The following BCLAF1 variants were observed in gnomAD, a reference collection of about 807,000 sequenced individuals.
BCLAF1 encodes the protein BCL2 associated transcription factor 1.
BCLAF1 carries 10 observed loss-of-function variants against 99.5 expected under a neutral mutation model. That is an observed-to-expected ratio of 0.10 (90% confidence interval 0.06 to 0.17). The LOEUF (loss-of-function observed/expected upper bound fraction) is 0.17. Among genes scored for constraint, BCLAF1 ranks in the 10% least tolerant of loss-of-function variants. The pLI, the probability that BCLAF1 is intolerant of heterozygous loss-of-function variation, is 1.00. For synonymous variants in BCLAF1, 255 were observed against 370.9 expected, an observed-to-expected ratio of 0.69 and a Z score of 3.59; for missense variants, 636 against 1,105.8, an observed-to-expected ratio of 0.58 and a Z score of 6.02.
At chr6:136,262,861 A>G (rs1319414425) in intron 11 of BCLAF1, among the ~76,000 whole-genome samples, 1 of 152,054 alleles carries the variant, frequency 6.6e-6, no homozygotes, top group African/African-American at 2.4e-5. Context: ...TTCTGGGAAG[A>G]GGTTTTGGAG....
intron 8 of BCLAF1, 42 bp from the exon 9 acceptor site, chr6:136,269,654 T>A (rs76334377): frequency 6.9e-7 from 1 of 1,458,552 alleles, no homozygotes; most frequent in Non-Finnish European, 9.2e-7. Flanking sequence ...AGGGGAGAAA[T>A]AGAAAAAATA....
intron 6 of BCLAF1, 119 bp downstream of exon 6, chr6:136,275,413 A>G: frequency 9.1e-6 from 9 of 985,536 alleles, no homozygotes; most frequent in Non-Finnish European, 1.3e-5. Flanking sequence ...CCAAGTTTTA[A>G]TAATATTGGA....
chr6:136,274,291 AC>A, intron 6 of BCLAF1: 1 of 299,144 alleles, frequency 3.3e-6, no homozygotes, highest in Non-Finnish European at 5.0e-6. Context: ...AAACATTACT[AC>A]AGTTCTTTTA....
At position 136,260,506 on chromosome 6, in the gene BCLAF1, A is replaced by ATT. The variant is rs777163723; in HGVS notation, c.*603_*604insAA. On this transcript the variant is annotated 3_prime_UTR_variant, in exon 13 of 13. Transcript: ENST00000531224. ...TCAAAACTTTTCAATCTGATTTTTA[A>ATT]TAGCTTGTACTTTTTAGCTATTGGC... The ATT allele has an allele frequency of 0.018, 2,721 of 152,504 alleles. 34 individuals are homozygous for ATT. The highest frequency in any genetic ancestry group is 0.029 in the Non-Finnish European group (1,947 of 67,908). The allele number at this position is 152,504 out of a possible 1,614,324, so 9.4% of individuals were successfully genotyped here. A position where few individuals can be genotyped will look rare whatever the true frequency, so the allele number is the denominator to read the frequency against.
chr6:136,282,297 A>T (rs1784474899), intron 2 of BCLAF1, among the ~76,000 whole-genome samples: 2 of 152,138 alleles, frequency 1.3e-5, no homozygotes, highest in South Asian at 4.1e-4. Flanking sequence ...ACATTAGGGA[A>T]ATGGGTTAAG....
Position 136,275,529 on chromosome 6 carries a change from T to C in BCLAF1, c.1852+3A>G. 1 of 1,545,912 alleles carries C rather than the reference T, an allele frequency of 6.5e-7. No individual in the cohort carries two copies. Among genetic ancestry groups the C allele is most frequent in the Non-Finnish European group, 8.7e-7 (1 of 1,152,978 alleles). ...TTCACGATACTAAACATACTAAGCATACCTTTAACATGATGAACCAAGGAC... is the reference window on the plus strand; with the variant it reads ...TTCACGATACTAAACATACTAAGCACACCTTTAACATGATGAACCAAGGAC... On this transcript the variant is annotated splice_donor_region_variant and intron_variant, in intron 6 of 12. Transcript: ENST00000531224.
In BCLAF1 at chr6:136,264,962, C is replaced by T. The variant is rs578079894; in HGVS notation, c.2544+2067G>A. Among the ~76,000 whole-genome samples the T allele has an allele frequency of 6.6e-5, 10 of 152,234 alleles. No homozygotes were observed. In the South Asian group the frequency reaches 1.0e-3, roughly 16 times the overall value. ...TTAATGAAACTACTGCCTAAGTAAACGCCAACCCAAAATGAGTATGTACTT... is the reference window on the plus strand; with the variant it reads ...TTAATGAAACTACTGCCTAAGTAAATGCCAACCCAAAATGAGTATGTACTT... On this transcript the variant is annotated intron_variant, in intron 11 of 12. Transcript: ENST00000531224.
At chr6:136,271,387 A>C (rs555510425) in intron 8 of BCLAF1, among the ~76,000 whole-genome samples, 1 of 151,932 alleles carries the variant, frequency 6.6e-6, no homozygotes, top group South Asian at 2.1e-4. Context: ...TCAAGAGTAT[A>C]TTGGAGACCC....
chr6:136,270,146 C>T (rs1782310399), intron 8 of BCLAF1, among the ~76,000 whole-genome samples: 1 of 151,774 alleles, frequency 6.6e-6, no homozygotes. Context: ...AGTAAGAATT[C>T]TATAATTTCC....
At position 136,256,982 on chromosome 6, in the gene BCLAF1, T is replaced by C. The variant is rs1262803436; in HGVS notation, c.*4128A>G. 6.6e-6 allele frequency: 1 copy of C among 152,198 alleles called. No homozygotes were observed. Among genetic ancestry groups the C allele is most frequent in the Admixed American group, 6.5e-5 (1 of 15,284 alleles). 9.4% of individuals were successfully genotyped at this position (152,198 alleles called of 1,614,324 possible). On this transcript the variant is annotated 3_prime_UTR_variant, in exon 13 of 13. Transcript: ENST00000531224. ...TGATTATAAATCATTTCACACCACC[T>C]AAACATACAGTGTAGCTATGATCAT... is the stretch of plus-strand genomic sequence containing the variant.
chr6:136,266,436 T>C (rs1781727542), intron 11 of BCLAF1, among the ~76,000 whole-genome samples: 1 of 152,042 alleles, frequency 6.6e-6, no homozygotes, highest in Non-Finnish European at 1.5e-5. Context: ...CCCATCCTTA[T>C]CTAGAGAATC....
intron 6 of BCLAF1, chr6:136,274,301 TAAAAAA>T (rs5880289): frequency 4.9e-5 from 9 of 183,778 alleles, no homozygotes; most frequent in Non-Finnish European, 7.8e-5. Flanking sequence ...ACAGTTCTTT[TAAAAAA>T]AAAAAAAGAA....
rs1343509790 is a variant in BCLAF1, at chr6:136,257,700, C to G, written c.*3410G>C. 6.6e-6 allele frequency: 1 copy of G among 152,146 alleles called. No homozygotes were observed. The highest frequency in any genetic ancestry group is 1.5e-5 in the Non-Finnish European group (1 of 67,982). The allele number at this position is 152,146 out of a possible 1,614,324, so 9.4% of individuals were successfully genotyped here. A position where few individuals can be genotyped will look rare whatever the true frequency, so the allele number is the denominator to read the frequency against. On this transcript the variant is annotated 3_prime_UTR_variant, in exon 13 of 13. Coordinates refer to ENST00000531224, the MANE Select transcript of BCLAF1 (RefSeq NM_014739.3). ...CATTTTAAGGCTCAAGAGATTGAGT[C>G]TAGCCAAATTAATCCCAATGACAAT...
rs757413201 is a variant in BCLAF1 at position 136,268,145 on chromosome 6, A to G, written c.2397+17T>C. On this transcript the variant is annotated intron_variant, in intron 10 of 12. Coordinates refer to ENST00000531224, the MANE Select transcript of BCLAF1 (RefSeq NM_014739.3). Reference sequence around the variant, plus strand: ...ATAAACTCCTACCAAACAATCAAAGATAATTTTTTCACTTACAAAGGTTCC... The same window carrying G: ...ATAAACTCCTACCAAACAATCAAAGGTAATTTTTTCACTTACAAAGGTTCC... 1.3e-6 allele frequency: 2 copies of G among 1,510,154 alleles called. No individual in the cohort carries two copies. The highest frequency in any genetic ancestry group is 1.8e-6 in the Non-Finnish European group (2 of 1,134,290). 93.5% of individuals were successfully genotyped at this position (1,510,154 alleles called of 1,614,324 possible). A position where few individuals can be genotyped will look rare whatever the true frequency, so the allele number is the denominator to read the frequency against.
chr6:136,281,463 T>C (rs1425337845), intron 2 of BCLAF1, among the ~76,000 whole-genome samples: 2 of 152,190 alleles, frequency 1.3e-5, no homozygotes, highest in Non-Finnish European at 2.9e-5. Context: ...TTGCATCTGA[T>C]TTCAAAATTC....
At chr6:136,266,431 C>G in intron 11 of BCLAF1, among the ~76,000 whole-genome samples, 1 of 152,038 alleles carries the variant, frequency 6.6e-6, no homozygotes, top group Non-Finnish European at 1.5e-5. Context: ...AAATGCCCAT[C>G]CTTATCTAGA....
At chr6:136,262,361 T>C (rs1000642318) in intron 11 of BCLAF1, among the ~76,000 whole-genome samples, 6 of 152,234 alleles carry the variant, frequency 3.9e-5, no homozygotes, top group African/African-American at 1.2e-4. Context: ...AAAAGGGGTA[T>C]AATGCAAACA....
At position 136,258,609 on chromosome 6, in the gene BCLAF1, G is replaced by C. The variant is rs1329539544; in HGVS notation, c.*2501C>G. 1.3e-5 allele frequency: 2 copies of C among 152,406 alleles called. No individual in the cohort carries two copies. Among genetic ancestry groups the C allele is most frequent in the Non-Finnish European group, 1.5e-5 (1 of 67,886 alleles). 9.4% of individuals were successfully genotyped at this position (152,406 alleles called of 1,614,324 possible). A position where few individuals can be genotyped will look rare whatever the true frequency, so the allele number is the denominator to read the frequency against. On this transcript the variant is annotated 3_prime_UTR_variant, in exon 13 of 13. Coordinates refer to ENST00000531224, the MANE Select transcript of BCLAF1 (RefSeq NM_014739.3). ...AGTTATTACTTGTGACATTTTATTG[G>C]CGTATGACAATTTACAAGGGTCCCT...
At chr6:136,274,337 T>G (rs955511410) in intron 6 of BCLAF1, 1 of 285,768 alleles carries the variant, frequency 3.5e-6, no homozygotes. Flanking sequence ...AGGAAAAAAT[T>G]TATCAAAACC....
Sources: gnomAD v4.1 joint callset for allele counts (sites outside exome capture counted in the v4.1 genomes callset) on GRCh38, gnomAD v4.1.1 for gene constraint, MANE v1.5 for transcripts, NCBI Gene and HGNC (gene_info 2026-07-23, HGNC 2026-07-21) for gene names.